The following SLC35F1 variants were observed in gnomAD, a reference collection of about 807,000 sequenced individuals.
SLC35F1 encodes the protein solute carrier family 35 member F1.
Under a neutral mutation model 48.7 loss-of-function variants are expected in SLC35F1, and 14 were observed. That is an observed-to-expected ratio of 0.29 (90% CI 0.19 to 0.45). The LOEUF is 0.45. SLC35F1 is among the 20% of genes least tolerant of loss of function. SLC35F1 has a pLI of 1.00. For synonymous variants in SLC35F1, 190 were observed against 202.2 expected (o/e 0.94, Z 0.51); for missense variants, 404 against 500.0 (o/e 0.81, Z 1.83).
intron 1 of SLC35F1, among the ~76,000 whole-genome samples, chr6:118,010,680 T>G (rs1384873253): frequency 6.6e-6 from 1 of 152,198 alleles, no homozygotes; most frequent in Admixed American, 6.5e-5. Context: ...GCTTTTATTA[T>G]TGTTTTGGGG....
chr6:118,152,472 C>T (rs1210917639), intron 1 of SLC35F1, among the ~76,000 whole-genome samples: 2 of 152,152 alleles, frequency 1.3e-5, no homozygotes, highest in Non-Finnish European at 1.5e-5. Context: ...AGCAATCTTT[C>T]GGGGTGGTTC....
intron 1 of SLC35F1, among the ~76,000 whole-genome samples, chr6:118,130,971 T>C (rs920466352): frequency 1.3e-5 from 2 of 152,192 alleles, no homozygotes; most frequent in Admixed American, 6.5e-5. Flanking sequence ...AATCTTCTAA[T>C]TAATCTTCAT....
intron 1 of SLC35F1, among the ~76,000 whole-genome samples, chr6:118,080,538 T>TA (rs1397064079): frequency 2.6e-5 from 4 of 152,204 alleles, no homozygotes; most frequent in Non-Finnish European, 4.4e-5. Context: ...GGCTGCATAG[T>TA]AAAAAAGAAC....
At chr6:117,927,198 G>A (rs1336708438) in intron 1 of SLC35F1, among the ~76,000 whole-genome samples, 1 of 152,136 alleles carries the variant, frequency 6.6e-6, no homozygotes, top group African/African-American at 2.4e-5. Context: ...TCATTATAAT[G>A]ATTAATATTT....
intron 3 of SLC35F1, among the ~76,000 whole-genome samples, chr6:118,255,843 C>T (rs1362379472): frequency 2.0e-5 from 3 of 152,084 alleles, no homozygotes; most frequent in African/African-American, 7.2e-5. Flanking sequence ...CTCTCTTGGA[C>T]AATGTGATGG....
intron 1 of SLC35F1, among the ~76,000 whole-genome samples, chr6:118,068,274 T>G (rs973437487): frequency 6.6e-6 from 1 of 152,168 alleles, no homozygotes; most frequent in South Asian, 2.1e-4. Flanking sequence ...AGCTATCGAG[T>G]ATCCCTTAAT....
intron 1 of SLC35F1, among the ~76,000 whole-genome samples, chr6:117,981,778 C>CT (rs557286486): frequency 2.6e-5 from 4 of 152,094 alleles, no homozygotes; most frequent in African/African-American, 4.8e-5. Context: ...TGGTCAAAGA[C>CT]TTTTTTTTGT....
chr6:117,981,179 A>G (rs1266170386), intron 1 of SLC35F1, among the ~76,000 whole-genome samples: 1 of 152,126 alleles, frequency 6.6e-6, no homozygotes, highest in Non-Finnish European at 1.5e-5. Context: ...TATTTTGGTC[A>G]TGTTGGCTCA....
intron 2 of SLC35F1, among the ~76,000 whole-genome samples, chr6:118,166,083 G>A (rs1474402366): frequency 6.6e-6 from 1 of 151,980 alleles, no homozygotes; most frequent in African/African-American, 2.4e-5. Flanking sequence ...CCCATTTTTA[G>A]GCAAGATAAG....
At chr6:118,064,591 T>C (rs1323436277) in intron 1 of SLC35F1, among the ~76,000 whole-genome samples, 1 of 152,114 alleles carries the variant, frequency 6.6e-6, no homozygotes, top group East Asian at 1.9e-4. Flanking sequence ...ACTCAGTGGG[T>C]TCATAGTGAC....
Position 118,269,697 on chromosome 6 carries a change from A to T in SLC35F1, c.637+2543A>T, listed in dbSNP as rs73514267. ...TCAGCCAGGGTCACAAAACTTTTCTAAAATACTGCAGGTACTCACCAGAAC... is the reference window on the plus strand; with the variant it reads ...TCAGCCAGGGTCACAAAACTTTTCTTAAATACTGCAGGTACTCACCAGAAC... On this transcript the variant is annotated intron_variant, in intron 4 of 7. Coordinates refer to ENST00000360388, the MANE Select transcript of SLC35F1 (RefSeq NM_001029858.4). Among the ~76,000 whole-genome samples the T allele has an allele frequency of 9.9e-3, 1,512 of 152,208 alleles. 27 individuals carry two copies. The highest frequency in any genetic ancestry group is 0.035 in the African/African-American group (1,438 of 41,522).
At chr6:118,043,321 G>A (rs1772253677) in intron 1 of SLC35F1, among the ~76,000 whole-genome samples, 1 of 145,408 alleles carries the variant, frequency 6.9e-6, no homozygotes, top group South Asian at 2.3e-4. Flanking sequence ...GTGCCAGCCT[G>A]GTTTTCTTGT....
At chr6:118,086,476 C>T in intron 1 of SLC35F1, among the ~76,000 whole-genome samples, 1 of 152,326 alleles carries the variant, frequency 6.6e-6, no homozygotes, top group East Asian at 1.9e-4. Context: ...TCACCTCCCT[C>T]AAATGTCAAT....
At chr6:118,077,917 G>T (rs777961389) in intron 1 of SLC35F1, among the ~76,000 whole-genome samples, 8 of 152,118 alleles carry the variant, frequency 5.3e-5, no homozygotes, top group Non-Finnish European at 7.4e-5. Flanking sequence ...TAATTTTCTA[G>T]ATCACTAAGT....
At chr6:117,941,817 C>T (rs905941906) in intron 1 of SLC35F1, among the ~76,000 whole-genome samples, 8 of 152,158 alleles carry the variant, frequency 5.3e-5, no homozygotes, top group African/African-American at 1.9e-4. Context: ...CAGTCCTGCT[C>T]CCCCAATCCC....
At chr6:118,187,346 C>A (rs1006588882) in intron 2 of SLC35F1, among the ~76,000 whole-genome samples, 4 of 152,184 alleles carry the variant, frequency 2.6e-5, no homozygotes, top group Admixed American at 6.5e-5. Context: ...TAATGCCAAG[C>A]CCCCTTCCCT....
At chr6:117,998,727 T>C (rs923112342) in intron 1 of SLC35F1, among the ~76,000 whole-genome samples, 1 of 152,046 alleles carries the variant, frequency 6.6e-6, no homozygotes, top group Admixed American at 6.5e-5. Context: ...TTGAAACCAA[T>C]GAGAACAAAG....
At chr6:118,132,077 G>A (rs1332580594) in intron 1 of SLC35F1, among the ~76,000 whole-genome samples, 1 of 152,068 alleles carries the variant, frequency 6.6e-6, no homozygotes, top group Non-Finnish European at 1.5e-5. Context: ...CAAAGAACAA[G>A]CCCTACTCTT....
At chr6:118,235,354 C>T (rs1480543170) in intron 2 of SLC35F1, among the ~76,000 whole-genome samples, 155 bp from the exon 3 acceptor site, 1 of 151,964 alleles carries the variant, frequency 6.6e-6, no homozygotes, top group Non-Finnish European at 1.5e-5. Flanking sequence ...TAAATAAAAA[C>T]ATGTGGGTAT....
Sources: allele counts gnomAD v4.1 joint callset (sites outside exome capture counted in the v4.1 genomes callset), GRCh38; gene constraint gnomAD v4.1.1; transcripts MANE v1.5; gene names NCBI Gene and HGNC (gene_info 2026-07-23, HGNC 2026-07-21).